Variants in PTGFRN observed in about 807,000 individuals in gnomAD.
PTGFRN encodes the protein prostaglandin F2 receptor inhibitor.
PTGFRN carries 35 observed loss-of-function variants against 83.2 expected under a neutral mutation model. The observed-to-expected ratio is 0.42, with a 90% confidence interval of 0.32 to 0.56. PTGFRN has a LOEUF of 0.56. PTGFRN is among the 20% of genes least tolerant of loss of function. The probability of loss-of-function intolerance (pLI) is 0.11; values close to 1 mark genes in which losing one functional copy is unlikely to be tolerated. For synonymous variants in PTGFRN, 519 were observed against 498.6 expected, an observed-to-expected ratio of 1.04 and a Z score of -0.55; for missense variants, 1,051 against 1,179.5, an observed-to-expected ratio of 0.89 and a Z score of 1.60.
rs1440422589 is a variant in PTGFRN at position 116,918,135 on chromosome 1, A to G, written c.49+7883A>G. Among the ~76,000 whole-genome samples the G allele has an allele frequency of 6.6e-6, 1 of 152,212 alleles. No individual in the cohort carries two copies. The highest frequency in any genetic ancestry group is 2.4e-5 in the African/African-American group (1 of 41,466). On this transcript the variant is annotated intron_variant, in intron 1 of 8. Transcript: ENST00000393203. This position sits in a 1 kb window ranked among gnomAD's most constrained non-coding sequence, Gnocchi z 4.1. Reference sequence around the variant, plus strand: ...TAATAGTTTGTATTACAAATAAACCATTACATGTGTGTTTTTAAAATCTAC... The same window carrying G: ...TAATAGTTTGTATTACAAATAAACCGTTACATGTGTGTTTTTAAAATCTAC...
chr1:116,983,021 T>C (rs1320032144), intron 7 of PTGFRN, among the ~76,000 whole-genome samples: 1 of 152,130 alleles, frequency 6.6e-6, no homozygotes, highest in Non-Finnish European at 1.5e-5. Context: ...AGCATGTGTG[T>C]TGAGCTGTGG....
chr1:116,975,749 T>G (rs919808616), intron 7 of PTGFRN, among the ~76,000 whole-genome samples: 4 of 151,934 alleles, frequency 2.6e-5, no homozygotes, highest in African/African-American at 9.7e-5. Context: ...AGACCAAAGG[T>G]AGATACAACC....
rs900095460 is a variant in PTGFRN, at chr1:116,910,071, C to G, written c.-133C>G. 3.0e-6 allele frequency: 3 copies of G among 991,190 alleles called. No individual in the cohort carries two copies. The African/African-American group carries it at 5.0e-5, about 17-fold the overall frequency. The allele number at this position is 991,190 out of a possible 1,614,324, so 61.4% of individuals were successfully genotyped here. A position where few individuals can be genotyped will look rare whatever the true frequency, so the allele number is the denominator to read the frequency against. On this transcript the variant is annotated 5_prime_UTR_variant, in exon 1 of 9. Transcript: ENST00000393203. ...CCCAGCGCTGGGATTTATCGGCTCGCGAGGAGAGCGGAGCAGGCGCGCGGC... is the reference window on the plus strand; with the variant it reads ...CCCAGCGCTGGGATTTATCGGCTCGGGAGGAGAGCGGAGCAGGCGCGCGGC...
chr1:116,948,235 A>C (rs907528115), intron 3 of PTGFRN, among the ~76,000 whole-genome samples: 4 of 152,176 alleles, frequency 2.6e-5, no homozygotes, highest in Non-Finnish European at 5.9e-5. Flanking sequence ...CAGATTACAG[A>C]TGCTCTTTTA....
In PTGFRN at chr1:116,980,863, A is replaced by T. The variant is rs1238218280; in HGVS notation, c.2168-3817A>T. ...AGAACTTAAAGTATAATAATAATAA[A>T]AATATGCCCAAAGTCTGTCCTCATG... On this transcript the variant is annotated intron_variant, in intron 7 of 8. Transcript: ENST00000393203. Among the ~76,000 whole-genome samples, 8 of 152,154 alleles carry T rather than the reference A, an allele frequency of 5.3e-5. No individual in the cohort carries two copies. In the South Asian group the frequency reaches 1.0e-3, roughly 20 times the overall value.
At position 116,927,988 on chromosome 1, in the gene PTGFRN, G is replaced by A. The variant is rs150304451; in HGVS notation, c.50-13727G>A. Among the ~76,000 whole-genome samples the A allele has an allele frequency of 3.8e-3, 576 of 152,250 alleles. 3 individuals are homozygous for A. Among genetic ancestry groups the A allele is most frequent in the African/African-American group, 0.013 (548 of 41,540 alleles). On this transcript the variant is annotated intron_variant, in intron 1 of 8. Transcript: ENST00000393203. ...GAAAGAAGATTTCCAGATATAAATG[G>A]CAGGATAGATAACATTAGAGCCAGA... is the stretch of plus-strand genomic sequence containing the variant.
At chr1:116,985,116 G>C (rs1651426928) in intron 8 of PTGFRN, 131 bp downstream of exon 8, 2 of 960,548 alleles carry the variant, frequency 2.1e-6, no homozygotes, top group Admixed American at 5.2e-5. Flanking sequence ...TTCTAGACCT[G>C]GCCTGAGCCT....
At chr1:116,985,530 C>T (rs1570683637) in intron 8 of PTGFRN, among the ~76,000 whole-genome samples, 1 of 152,046 alleles carries the variant, frequency 6.6e-6, no homozygotes, top group African/African-American at 2.4e-5. Flanking sequence ...AACCCCGTCT[C>T]TACTAAAAAT....
intron 1 of PTGFRN, among the ~76,000 whole-genome samples, chr1:116,915,030 G>A (rs1401697702): frequency 6.6e-6 from 1 of 152,134 alleles, no homozygotes; most frequent in African/African-American, 2.4e-5. Flanking sequence ...GGAAACTGAT[G>A]CCCAGAAAAG....
At chr1:116,959,603 A>G (rs1205125493) in intron 4 of PTGFRN, among the ~76,000 whole-genome samples, 1 of 152,206 alleles carries the variant, frequency 6.6e-6, no homozygotes, top group East Asian at 1.9e-4. Flanking sequence ...AGATAAAGAT[A>G]ATGTTGATAA....
chr1:116,961,370 G>A lies in PTGFRN; in HGVS notation c.1341G>A (p.Trp447Ter), dbSNP rs982032448. ...GEANVRFTVSWYYRMNRRSDN... is the reference protein window; with the variant it reads ...GEANVRFTVS Reference sequence around the variant, plus strand: ...CGAATGTCCGATTCACGGTTTCGTGGTACTACAGGATGAACCGGCGCAGCG... The same window carrying A: ...CGAATGTCCGATTCACGGTTTCGTGATACTACAGGATGAACCGGCGCAGCG... The change falls in exon 5 of 9, where the codon TGG (tryptophan) becomes TGA (stop). Residue 447 changes from tryptophan to a stop codon, truncating the protein, a stop_gained. Coordinates refer to ENST00000393203, the MANE Select transcript of PTGFRN (RefSeq NM_020440.4). LOFTEE classifies it high-confidence loss of function. The surrounding 1 kb of genome is among the most constrained non-coding windows in gnomAD (Gnocchi z 5.4). 6.2e-7 allele frequency: 1 copy of A among 1,606,340 alleles called. No individual in the cohort carries two copies. The highest frequency in any genetic ancestry group is 8.5e-7 in the Non-Finnish European group (1 of 1,174,588).
rs1340817459 is a variant in PTGFRN, at chr1:116,961,167, G to A, written c.1214-76G>A. 1 of 1,420,194 alleles carries A rather than the reference G, an allele frequency of 7.0e-7. No homozygotes were observed. The highest frequency in any genetic ancestry group is 2.3e-5 in the East Asian group (1 of 42,970). 88.0% of individuals were successfully genotyped at this position (1,420,194 alleles called of 1,614,324 possible). A position where few individuals can be genotyped will look rare whatever the true frequency, so the allele number is the denominator to read the frequency against. ...AATTGTTAAAACAAGAGCAGTCCTT[G>A]TCTCATTCCTTTTGTTAATTCTTGC... On this transcript the variant is annotated intron_variant, in intron 4 of 8. Coordinates refer to ENST00000393203, the MANE Select transcript of PTGFRN (RefSeq NM_020440.4). The surrounding 1 kb of genome is among the most constrained non-coding windows in gnomAD (Gnocchi z 5.4).
chr1:116,915,364 A>G (rs1030528625), intron 1 of PTGFRN, among the ~76,000 whole-genome samples: 2 of 152,226 alleles, frequency 1.3e-5, no homozygotes, highest in Non-Finnish European at 2.9e-5. Flanking sequence ...CCGAAATGCA[A>G]CTGCCTCTGG....
At chr1:116,938,457 C>T (rs1649977415) in intron 1 of PTGFRN, among the ~76,000 whole-genome samples, 2 of 152,162 alleles carry the variant, frequency 1.3e-5, no homozygotes, top group African/African-American at 2.4e-5. Flanking sequence ...AAGAGAAGAG[C>T]GCTTGTGCAG....
At chr1:116,980,711 C>T (rs76488524) in intron 7 of PTGFRN, among the ~76,000 whole-genome samples, 8,149 of 151,938 alleles carry the variant, frequency 0.054, 618 homozygotes, top group East Asian at 0.41. Context: ...GTCGTGGGGT[C>T]GGGTTAGAGG....
chr1:116,990,042 ACTT>A lies in PTGFRN; in HGVS notation c.*3076_*3078del, dbSNP rs972115205. 4 of 152,716 alleles carry A rather than the reference ACTT, an allele frequency of 2.6e-5. No individual in the cohort carries two copies. The highest frequency in any genetic ancestry group is 9.6e-5 in the African/African-American group (4 of 41,562). The allele number at this position is 152,716 out of a possible 1,614,324, so 9.5% of individuals were successfully genotyped here. On this transcript the variant is annotated 3_prime_UTR_variant, in exon 9 of 9. Coordinates refer to ENST00000393203, the MANE Select transcript of PTGFRN (RefSeq NM_020440.4). ...CTACACAACTTGCTACTTTCAGAAA[ACTT>A]TTTTTTAGCTTCACCGATGACAACA...
At chr1:116,929,869 A>G (rs1425540079) in intron 1 of PTGFRN, among the ~76,000 whole-genome samples, 1 of 151,774 alleles carries the variant, frequency 6.6e-6, no homozygotes, top group Non-Finnish European at 1.5e-5. Flanking sequence ...TGCCTTTTTC[A>G]TGGTTGTGCC....
intron 7 of PTGFRN, among the ~76,000 whole-genome samples, chr1:116,978,553 C>G (rs1651223628): frequency 6.6e-6 from 1 of 152,188 alleles, no homozygotes; most frequent in Non-Finnish European, 1.5e-5. Flanking sequence ...CCCTGGGATG[C>G]AAGGCTGGTT....
At chr1:116,977,333 G>C (rs1054092607) in intron 7 of PTGFRN, among the ~76,000 whole-genome samples, 5 of 152,272 alleles carry the variant, frequency 3.3e-5, no homozygotes, top group African/African-American at 1.2e-4. Context: ...AGTTAACAAG[G>C]ATGTCCAGGA....
Sources: gnomAD v4.1 joint callset for allele counts (sites outside exome capture counted in the v4.1 genomes callset) on GRCh38, gnomAD v4.1.1 for gene constraint, Gnocchi (gnomAD v3.1) non-coding constraint, MANE v1.5 for transcripts, NCBI Gene and HGNC (gene_info 2026-07-23, HGNC 2026-07-21) for gene names.